Variants in ARHGEF7 observed in about 807,000 individuals in gnomAD.
ARHGEF7 encodes Rho guanine nucleotide exchange factor 7.
In ARHGEF7, 33 loss-of-function variants were observed where a neutral mutation model predicts 109.8. The ratio of observed to expected loss-of-function variants is 0.30; its 90% CI spans 0.23 to 0.40. The LOEUF is 0.40. ARHGEF7 is among the 10% of genes least tolerant of loss of function. The probability of loss-of-function intolerance (pLI) is 1.00; values close to 1 mark genes in which losing one functional copy is unlikely to be tolerated. For synonymous variants in ARHGEF7, 458 were observed against 424.6 expected, an observed-to-expected ratio of 1.08 and a Z score of -0.97; for missense variants, 938 against 1,098.5, an observed-to-expected ratio of 0.85 and a Z score of 2.07.
intron 2 of ARHGEF7, among the ~76,000 whole-genome samples, chr13:111,168,254 C>G (rs936827030): frequency 1.4e-5 from 2 of 142,276 alleles, no homozygotes; most frequent in Non-Finnish European, 3.1e-5. Flanking sequence ...TTGGTCTCAT[C>G]TACTCTGTCT....
chr13:111,226,251 T>G (rs895609210), intron 5 of ARHGEF7, among the ~76,000 whole-genome samples: 3 of 152,122 alleles, frequency 2.0e-5, no homozygotes, highest in Non-Finnish European at 4.4e-5. Context: ...GTGCATGAGG[T>G]TGAAGGAAAG....
At chr13:111,212,496 A>G (rs1021817922) in intron 4 of ARHGEF7, among the ~76,000 whole-genome samples, 2 of 152,104 alleles carry the variant, frequency 1.3e-5, no homozygotes, top group African/African-American at 4.8e-5. Context: ...CTGGCTGCTG[A>G]TTGGTACAGC....
intron 2 of ARHGEF7, among the ~76,000 whole-genome samples, chr13:111,204,814 G>A (rs181603376): frequency 8.5e-4 from 129 of 152,310 alleles, no homozygotes; most frequent in African/African-American, 3.0e-3. Context: ...CATCCACTCT[G>A]CTCTCTGATG....
Position 111,161,344 on chromosome 13 carries a change from G to A in ARHGEF7, c.252+7353G>A, listed in dbSNP as rs111703382. On this transcript the variant is annotated intron_variant, in intron 2 of 21. Transcript: ENST00000646102. ...CATGATTATCAGGTATTTGCTTTGC[G>A]GGGGACGGTATAGGGGGAGGGAATG... Among the ~76,000 whole-genome samples, 668 of 152,226 alleles carry A rather than the reference G, an allele frequency of 4.4e-3. 4 individuals carry two copies. The highest frequency in any genetic ancestry group is 0.015 in the African/African-American group (641 of 41,518).
intron 8 of ARHGEF7, among the ~76,000 whole-genome samples, chr13:111,254,456 C>T (rs1595218850): frequency 1.5e-5 from 2 of 132,752 alleles, no homozygotes; most frequent in Admixed American, 1.4e-4. Flanking sequence ...CGGGCTAAGG[C>T]GCTGAGTCGC....
chr13:111,300,034 T>C (rs1046421145), intron 19 of ARHGEF7, among the ~76,000 whole-genome samples: 5 of 152,216 alleles, frequency 3.3e-5, no homozygotes, highest in African/African-American at 1.2e-4. Context: ...TTAAATACAA[T>C]TTGATTCTCT....
chr13:111,254,096 G>C lies in ARHGEF7; in HGVS notation c.950+9802G>C, dbSNP rs930409647. ...CTGGTTCATGGGTGCTATTAGTTTAGAGGGCAAGGTGGTGGTGAATTCCAT... is the reference window on the plus strand; with the variant it reads ...CTGGTTCATGGGTGCTATTAGTTTACAGGGCAAGGTGGTGGTGAATTCCAT... On this transcript the variant is annotated intron_variant, in intron 8 of 21. Coordinates refer to ENST00000646102, the MANE Select transcript of ARHGEF7 (RefSeq NM_001354046.2). Among the ~76,000 whole-genome samples, 4 of 152,336 alleles carry C rather than the reference G, an allele frequency of 2.6e-5. No individual in the cohort carries two copies. In the South Asian group the frequency reaches 8.3e-4, roughly 32 times the overall value.
At chr13:111,123,822 A>T (rs1347693563) in intron 1 of ARHGEF7, among the ~76,000 whole-genome samples, 1 of 149,772 alleles carries the variant, frequency 6.7e-6, no homozygotes, top group Non-Finnish European at 1.5e-5. Flanking sequence ...ACGGAGCTCC[A>T]GAGCGGCTGG....
intron 18 of ARHGEF7, among the ~76,000 whole-genome samples, chr13:111,291,392 G>C (rs1452824392): frequency 6.6e-6 from 1 of 152,240 alleles, no homozygotes; most frequent in Non-Finnish European, 1.5e-5. Flanking sequence ...GTCTGCATTG[G>C]GGTGGCCGGT....
intron 2 of ARHGEF7, among the ~76,000 whole-genome samples, chr13:111,155,375 A>C (rs959615522): frequency 2.0e-5 from 3 of 152,268 alleles, no homozygotes; most frequent in Admixed American, 1.3e-4. Flanking sequence ...AGGAATTCAT[A>C]GATTAAAGTA....
intron 1 of ARHGEF7, among the ~76,000 whole-genome samples, chr13:111,119,025 A>G (rs1414998910): frequency 6.6e-6 from 1 of 152,184 alleles, no homozygotes; most frequent in Non-Finnish European, 1.5e-5. Flanking sequence ...GTCTGGGATT[A>G]AGGTACCTGC....
In ARHGEF7 at chr13:111,267,651, A is replaced by C. The variant is rs774697308; in HGVS notation, c.1054A>C (p.Asn352His). The part of the protein sequence containing the change: ...TYCANHPSAV[N>H]VLTEHSEELG... ...TTGTGCCAATCACCCTTCTGCAGTG[A>C]ATGTCCTCACGGAACACAGGTGCGC... The change falls in exon 9 of 22, where the codon AAT (asparagine) becomes CAT (histidine). Residue 352 changes from asparagine to histidine, a missense_variant. Asn to His is a moderately conservative substitution (Grantham distance 68). Transcript: ENST00000646102. 6.2e-7 allele frequency: 1 copy of C among 1,613,992 alleles called. No individual in the cohort carries two copies. Among genetic ancestry groups the C allele is most frequent in the East Asian group, 2.2e-5 (1 of 44,872 alleles).
chr13:111,139,910 T>G (rs831164), intron 1 of ARHGEF7, among the ~76,000 whole-genome samples: 149,313 of 152,374 alleles, frequency 0.98, 73,209 homozygotes, highest in East Asian at 1. Flanking sequence ...ACAGGGAGGG[T>G]TGAAACTTTT....
At chr13:111,263,604 G>A (rs2091323965) in intron 8 of ARHGEF7, among the ~76,000 whole-genome samples, 2 of 152,160 alleles carry the variant, frequency 1.3e-5, no homozygotes. Flanking sequence ...ACTTTCCTGT[G>A]CCACATCTCT....
chr13:111,264,134 T>C (rs7987849), intron 8 of ARHGEF7, among the ~76,000 whole-genome samples: 20,369 of 152,182 alleles, frequency 0.13, 1,386 homozygotes, highest in South Asian at 0.22. Flanking sequence ...CTGTTGTGTT[T>C]TAATAAACTA....
chr13:111,273,981 G>A lies in ARHGEF7; in HGVS notation c.1212+29G>A. 3 of 1,610,478 alleles carry A rather than the reference G, an allele frequency of 1.9e-6. No individual in the cohort carries two copies. The highest frequency in any genetic ancestry group is 2.5e-6 in the Non-Finnish European group (3 of 1,177,050). On this transcript the variant is annotated intron_variant, in intron 10 of 21. Coordinates refer to ENST00000646102, the MANE Select transcript of ARHGEF7 (RefSeq NM_001354046.2). This position sits in a 1 kb window ranked among gnomAD's most constrained non-coding sequence, Gnocchi z 4.5. ...CTGCGCTTTCATTCTCTTACTTGGAGTCCTTACCAAGGGTTAGTGGCATGG... is the reference window on the plus strand; with the variant it reads ...CTGCGCTTTCATTCTCTTACTTGGAATCCTTACCAAGGGTTAGTGGCATGG...
At chr13:111,136,721 A>G (rs1305570972) in intron 1 of ARHGEF7, among the ~76,000 whole-genome samples, 2 of 152,252 alleles carry the variant, frequency 1.3e-5, no homozygotes, top group Non-Finnish European at 2.9e-5. Flanking sequence ...AAAAGCTAGC[A>G]GAAGGCAAGA....
At chr13:111,156,128 G>A (rs1045410985) in intron 2 of ARHGEF7, among the ~76,000 whole-genome samples, 2 of 150,020 alleles carry the variant, frequency 1.3e-5, no homozygotes, top group South Asian at 2.1e-4. Context: ...AAAACTTACC[G>A]TTTTTAGTTT....
In ARHGEF7 at chr13:111,239,580, A is replaced by G. The variant is rs1159663823; in HGVS notation, c.760-4292A>G. Among the ~76,000 whole-genome samples, 2 of 151,848 alleles carry G rather than the reference A, an allele frequency of 1.3e-5. No individual in the cohort carries two copies. The highest frequency in any genetic ancestry group is 2.9e-5 in the Non-Finnish European group (2 of 67,990). On this transcript the variant is annotated intron_variant, in intron 6 of 21. Transcript: ENST00000646102. The surrounding 1 kb of genome is among the most constrained non-coding windows in gnomAD (Gnocchi z 4.3). ...TTTGCCCTTGGCTTTTCTCCACCTC[A>G]ATGAAGATTTCTGTTAAATCTTTTG...
Sources: gnomAD v4.1 joint callset for allele counts (sites outside exome capture counted in the v4.1 genomes callset) on GRCh38, gnomAD v4.1.1 for gene constraint, Gnocchi (gnomAD v3.1) non-coding constraint, MANE v1.5 for transcripts, NCBI Gene and HGNC (gene_info 2026-07-23, HGNC 2026-07-21) for gene names.